MGMT: variants seen among roughly 807,000 people sequenced by gnomAD.
The protein encoded by MGMT is O-6-methylguanine-DNA methyltransferase, also known as methylated-DNA--protein-cysteine methyltransferase.
In MGMT, 14 loss-of-function variants were observed where a neutral mutation model predicts 15.9. The observed-to-expected ratio is 0.88, with a 90% CI of 0.58 to 1.37. The LOEUF (loss-of-function observed/expected upper bound fraction) is 1.37, where lower values mean the gene tolerates loss of function less well. MGMT is among the 40% of genes most tolerant of loss of function. The pLI is 0.00. For missense variants in MGMT, 282 were observed against 268.1 expected, an observed-to-expected ratio of 1.05 and a Z score of -0.36; for synonymous variants, 130 against 118.2, an observed-to-expected ratio of 1.10 and a Z score of -0.65.
intron 2 of MGMT, among the ~76,000 whole-genome samples, chr10:129,581,442 A>AGC (rs1431302433): frequency 6.6e-6 from 1 of 152,200 alleles, no homozygotes; most frequent in Non-Finnish European, 1.5e-5. Context: ...ATGGTCTCGC[A>AGC]GCCAAGTAGG....
chr10:129,762,175 C>T (rs1848881535), intron 4 of MGMT, among the ~76,000 whole-genome samples: 1 of 152,226 alleles, frequency 6.6e-6, no homozygotes, highest in African/African-American at 2.4e-5. Context: ...CACTCCAGCC[C>T]AGACGGTGCG....
At chr10:129,646,733 TATATATATATATATA>T (rs1847394349) in intron 2 of MGMT, among the ~76,000 whole-genome samples, 2 of 103,192 alleles carry the variant, frequency 1.9e-5, no homozygotes, top group Non-Finnish European at 4.1e-5. Context: ...TATATATATA[TATATATATATATATA>T]TATATATTTT....
intron 2 of MGMT, among the ~76,000 whole-genome samples, chr10:129,669,766 A>G (rs1847701123): frequency 6.6e-6 from 1 of 152,222 alleles, no homozygotes; most frequent in South Asian, 2.1e-4. Flanking sequence ...AGAAATCTGG[A>G]GAAGTAAATG....
At chr10:129,726,415 C>T (rs562369881) in intron 3 of MGMT, among the ~76,000 whole-genome samples, 21 of 152,190 alleles carry the variant, frequency 1.4e-4, no homozygotes, top group East Asian at 3.9e-4. Context: ...CTGGGTTGCC[C>T]GCCCATGGGT....
At chr10:129,592,216 C>G (rs1184895308) in intron 2 of MGMT, among the ~76,000 whole-genome samples, 1 of 152,160 alleles carries the variant, frequency 6.6e-6, no homozygotes, top group Non-Finnish European at 1.5e-5. Context: ...GGGTTTTTGG[C>G]AGAAATTTTC....
intron 2 of MGMT, among the ~76,000 whole-genome samples, chr10:129,542,436 G>A (rs562054616): frequency 3.0e-4 from 46 of 152,212 alleles, no homozygotes; most frequent in African/African-American, 1.0e-3. Context: ...GACACTTGCC[G>A]CATTCACGTT....
At chr10:129,593,547 A>G (rs1846714919) in intron 2 of MGMT, among the ~76,000 whole-genome samples, 1 of 152,202 alleles carries the variant, frequency 6.6e-6, no homozygotes, top group African/African-American at 2.4e-5. Context: ...TAGCCATTTT[A>G]AAAAACACAG....
intron 2 of MGMT, among the ~76,000 whole-genome samples, chr10:129,673,665 T>C (rs985834774): frequency 6.6e-6 from 1 of 152,174 alleles, no homozygotes; most frequent in Non-Finnish European, 1.5e-5. Context: ...TTGCAAGTTC[T>C]CCTGGTCTGG....
At chr10:129,761,711 G>A (rs1848875962) in intron 4 of MGMT, among the ~76,000 whole-genome samples, 1 of 152,186 alleles carries the variant, frequency 6.6e-6, no homozygotes, top group South Asian at 2.1e-4. Context: ...GACTGGAGGT[G>A]AGCACAGCAT....
chr10:129,660,575 C>T (rs1847584405), intron 2 of MGMT, among the ~76,000 whole-genome samples: 2 of 152,146 alleles, frequency 1.3e-5, no homozygotes, highest in Non-Finnish European at 2.9e-5. Flanking sequence ...AGCCTTGCTT[C>T]CTCTTCAGCA....
intron 1 of MGMT, among the ~76,000 whole-genome samples, chr10:129,488,015 A>AGG (rs1350510226): frequency 5.2e-4 from 66 of 125,952 alleles, no homozygotes; most frequent in African/African-American, 1.5e-3. Context: ...ACACACACAC[A>AGG]CACACACACA....
intron 2 of MGMT, among the ~76,000 whole-genome samples, chr10:129,590,741 C>T (rs1341555638): frequency 2.6e-4 from 39 of 152,178 alleles, no homozygotes. Context: ...TTAAGGGATT[C>T]ACAATCCACA....
intron 3 of MGMT, among the ~76,000 whole-genome samples, chr10:129,728,593 G>A (rs749372576): frequency 1.3e-5 from 2 of 152,018 alleles, no homozygotes; most frequent in Non-Finnish European, 2.9e-5. Context: ...CTGCTCCCTG[G>A]CTCTTGCCCA....
chr10:129,732,174 C>CT (rs1848506166), intron 3 of MGMT, among the ~76,000 whole-genome samples: 1 of 151,972 alleles, frequency 6.6e-6, no homozygotes, highest in Non-Finnish European at 1.5e-5. Context: ...TTTTATTATA[C>CT]TTTAAGTTCT....
Position 129,769,825 on chromosome 10 carries a change from A to G in MGMT, c.*2828A>G, listed in dbSNP as rs1848981355. ...GAAGAGAAGCTATGACCGTGCAAAC[A>G]TGCATGTTATGGTGTTGGCTGATGC... On this transcript the variant is annotated 3_prime_UTR_variant, in exon 5 of 5. Coordinates refer to ENST00000651593, the MANE Select transcript of MGMT (RefSeq NM_002412.5). Among the ~76,000 whole-genome samples, 1 of 152,180 alleles carries G rather than the reference A, an allele frequency of 6.6e-6. No homozygotes were observed. The highest frequency in any genetic ancestry group is 6.5e-5 in the Admixed American group (1 of 15,272).
chr10:129,671,760 C>A (rs7068301), intron 2 of MGMT, among the ~76,000 whole-genome samples: 1 of 152,056 alleles, frequency 6.6e-6, no homozygotes, highest in Non-Finnish European at 1.5e-5. Flanking sequence ...AAATCGCTCA[C>A]GTCATTGCCG....
chr10:129,676,812 ATACTT>A (rs1847791446), intron 2 of MGMT, among the ~76,000 whole-genome samples: 1 of 152,240 alleles, frequency 6.6e-6, no homozygotes, highest in Non-Finnish European at 1.5e-5. Flanking sequence ...ATGACCTCAT[ATACTT>A]TACTTTTTTA....
At position 129,530,329 on chromosome 10, in the gene MGMT, A is replaced by G. The variant is rs371951287; in HGVS notation, c.-12-5912A>G. ...TCCTACCTTATTTGATTTTTTAAAA[A>G]TAAACTGATTTTGGAATAATCTTAG... On this transcript the variant is annotated intron_variant, in intron 1 of 4. Coordinates refer to ENST00000651593, the MANE Select transcript of MGMT (RefSeq NM_002412.5). 3.3e-5 allele frequency among the ~76,000 whole-genome samples: 5 copies of G among 152,228 alleles called. No individual in the cohort carries two copies. In the East Asian group the frequency reaches 9.6e-4, roughly 29 times the overall value.
chr10:129,584,945 A>G (rs1467497913), intron 2 of MGMT, among the ~76,000 whole-genome samples: 2 of 152,090 alleles, frequency 1.3e-5, no homozygotes, highest in African/African-American at 2.4e-5. Context: ...TTGTGTATAT[A>G]TGTGTTCATT....
Sources: allele counts gnomAD v4.1 joint callset (sites outside exome capture counted in the v4.1 genomes callset), GRCh38; gene constraint gnomAD v4.1.1; transcripts MANE v1.5; gene names NCBI Gene and HGNC (gene_info 2026-07-23, HGNC 2026-07-21).